The following GPHN variants were observed in gnomAD, a reference collection of about 807,000 sequenced individuals.
GPHN encodes gephyrin.
Under a neutral mutation model 95.5 loss-of-function variants are expected in GPHN, and 17 were observed. The ratio of observed to expected loss-of-function variants is 0.18; its 90% CI spans 0.12 to 0.27. GPHN has a LOEUF of 0.27. GPHN is among the 10% of genes least tolerant of loss of function. The pLI, the probability that GPHN is intolerant of heterozygous loss-of-function variation, is 1.00. For missense variants in GPHN, 660 were observed against 978.1 expected (o/e 0.67, Z 4.34); for synonymous variants, 320 against 322.5 (o/e 0.99, Z 0.08).
At chr14:67,223,831 C>T in the GPHN span, 2 of 985,794 alleles carry the variant, frequency 2.0e-6, no homozygotes, top group South Asian at 9.4e-5. Flanking sequence ...ACCTGTTCCC[C>T]TTCCATACAC....
intron 18 of GPHN, among the ~76,000 whole-genome samples, chr14:67,154,511 A>C (rs1004379366): frequency 6.6e-6 from 1 of 152,212 alleles, no homozygotes; most frequent in Non-Finnish European, 1.5e-5. Flanking sequence ...GCACATATGG[A>C]ATTCCTAATA....
rs533105881 is a variant in GPHN at position 67,175,671 on chromosome 14, T to C, written c.2080-3907T>C. On this transcript the variant is annotated intron_variant, in intron 21 of 22. Transcript: ENST00000478722. ...TGAGTCTATAAATTACTTTGGGCAG[T>C]ATGGCCATTTTCATGATATTGATTC... Among the ~76,000 whole-genome samples the C allele has an allele frequency of 3.3e-5, 5 of 152,302 alleles. No individual in the cohort carries two copies. The South Asian group carries it at 8.3e-4, about 25-fold the overall frequency.
the GPHN span, chr14:67,575,501 C>T: frequency 1.4e-6 from 2 of 1,387,386 alleles, no homozygotes; most frequent in East Asian, 2.4e-5. Flanking sequence ...ACAATACCCA[C>T]TCTCCTGCTT....
chr14:66,544,382 A>G (rs912937567), intron 1 of GPHN, among the ~76,000 whole-genome samples: 4 of 152,042 alleles, frequency 2.6e-5, no homozygotes, highest in African/African-American at 9.7e-5. Flanking sequence ...GTTTAAGGTA[A>G]TTCTTAATTT....
At chr14:67,096,098 G>T (rs7157418) in intron 12 of GPHN, among the ~76,000 whole-genome samples, 48,901 of 151,104 alleles carry the variant, frequency 0.32, 12,467 homozygotes, top group African/African-American at 0.69. Flanking sequence ...AGAGAAATAA[G>T]AAAAATGACT....
At chr14:67,380,763 C>A in the GPHN span, 1 of 1,495,368 alleles carries the variant, frequency 6.7e-7, no homozygotes, top group Non-Finnish European at 8.9e-7. Context: ...AAAATTCGAG[C>A]AGGTAAATGA....
chr14:66,925,824 A>G (rs2066455994), intron 8 of GPHN, among the ~76,000 whole-genome samples: 1 of 152,210 alleles, frequency 6.6e-6, no homozygotes. Context: ...AAGAACCTCC[A>G]TACTATTCTG....
At chr14:67,677,363 A>ATTTTTTT in the GPHN span, 35 of 31,978 alleles carry the variant, frequency 1.1e-3, 4 homozygotes, top group East Asian at 2.7e-3. Flanking sequence ...TGTTTTTAGG[A>ATTTTTTT]TTTTTTTTTT....
intron 17 of GPHN, among the ~76,000 whole-genome samples, chr14:67,127,261 A>C (rs2079384586): frequency 6.6e-6 from 1 of 152,158 alleles, no homozygotes. Flanking sequence ...AATAAAAAAA[A>C]AAAAATGGCT....
intron 4 of GPHN, among the ~76,000 whole-genome samples, chr14:66,838,213 A>G (rs901299688): frequency 2.0e-5 from 3 of 152,202 alleles, no homozygotes; most frequent in African/African-American, 7.2e-5. Context: ...TACTTGCCTC[A>G]TAGGGTACTT....
At chr14:67,427,072 C>T in the GPHN span, among the ~76,000 whole-genome samples, 3,071 of 149,862 alleles carry the variant, frequency 0.02, 51 homozygotes, top group Middle Eastern at 0.075. Flanking sequence ...TATTGTGTCG[C>T]GCGGGGGAGG....
chr14:67,515,858 A>AGCCATG, the GPHN span, among the ~76,000 whole-genome samples: 1 of 152,224 alleles, frequency 6.6e-6, no homozygotes, highest in Admixed American at 6.5e-5. Flanking sequence ...TCATGGAAAC[A>AGCCATG]GCCATGTAAG....
chr14:67,356,014 G>T, the GPHN span, among the ~76,000 whole-genome samples: 1 of 151,832 alleles, frequency 6.6e-6, no homozygotes, highest in Non-Finnish European at 1.5e-5. Context: ...CAAGTGTTTG[G>T]GTAATAAAAT....
chr14:66,545,320 TGGCC>T (rs1380377706), intron 1 of GPHN, among the ~76,000 whole-genome samples: 2 of 133,178 alleles, frequency 1.5e-5, no homozygotes, highest in Non-Finnish European at 3.1e-5. Context: ...ACGGGGCGGC[TGGCC>T]GGGCAGGGGG....
At chr14:66,859,440 A>G (rs975246404) in intron 4 of GPHN, among the ~76,000 whole-genome samples, 4 of 152,370 alleles carry the variant, frequency 2.6e-5, no homozygotes, top group Admixed American at 1.3e-4. Context: ...TGCAAGAACT[A>G]TAGCATTACT....
intron 8 of GPHN, among the ~76,000 whole-genome samples, chr14:66,939,041 A>G (rs547273481): frequency 6.6e-6 from 1 of 152,314 alleles, no homozygotes; most frequent in African/African-American, 2.4e-5. Flanking sequence ...ACAAAAATTA[A>G]TTCAAAATGG....
At position 66,797,051 on chromosome 14, in the gene GPHN, G is replaced by T. The variant is rs77030059; in HGVS notation, c.201+20530G>T. On this transcript the variant is annotated intron_variant, in intron 3 of 22. Coordinates refer to ENST00000478722, the MANE Select transcript of GPHN (RefSeq NM_020806.5). Reference sequence around the variant, plus strand: ...TTTTTTTTTTTTTTTTTGCATAATGGATATTCAGTTTTCCCAGCACCATTC... The same window carrying T: ...TTTTTTTTTTTTTTTTTGCATAATGTATATTCAGTTTTCCCAGCACCATTC... Among the ~76,000 whole-genome samples, 226 of 122,810 alleles carry T rather than the reference G, an allele frequency of 1.8e-3. 6 individuals carry two copies. The East Asian group carries it at 0.044, about 24-fold the overall frequency. 80.6% of individuals were successfully genotyped at this position (122,810 alleles called of 152,430 possible). A position where few individuals can be genotyped will look rare whatever the true frequency, so the allele number is the denominator to read the frequency against.
chr14:67,582,654 AAAAAAATAAAATAAAATAAAAT>A, the GPHN span, among the ~76,000 whole-genome samples: 3 of 354 alleles, frequency 8.5e-3, no homozygotes, highest in Admixed American at 0.17. The surrounding 1 kb of genome is among the most constrained non-coding windows in gnomAD (Gnocchi z 5.0). Context: ...TCTCTACTGA[AAAAAAATAAAATAAAATAAAAT>A]AAAAATAAAA....
chr14:66,541,475 A>T (rs2059350176), intron 1 of GPHN, among the ~76,000 whole-genome samples: 1 of 152,230 alleles, frequency 6.6e-6, no homozygotes, highest in Non-Finnish European at 1.5e-5. Context: ...TGGGTTAACT[A>T]GACTCCCTGT....
Sources: allele counts gnomAD v4.1 joint callset (sites outside exome capture counted in the v4.1 genomes callset), GRCh38; gene constraint gnomAD v4.1.1; non-coding constraint Gnocchi (gnomAD v3.1); transcripts MANE v1.5; gene names NCBI Gene and HGNC (gene_info 2026-07-23, HGNC 2026-07-21).